Variants in GPC5 observed in about 807,000 individuals in gnomAD.
GPC5 encodes glypican 5, also known as glypican-5.
In GPC5, 47 loss-of-function variants were observed where a neutral mutation model predicts 53.9. That is an observed-to-expected ratio of 0.87 (90% CI 0.69 to 1.11). The LOEUF (loss-of-function observed/expected upper bound fraction) is 1.11. Among genes scored for constraint, GPC5 ranks in the 50% most tolerant of loss-of-function variants. The pLI is 0.00. For synonymous variants in GPC5, 286 were observed against 263.3 expected, an observed-to-expected ratio of 1.09 and a Z score of -0.84; for missense variants, 748 against 713.1, an observed-to-expected ratio of 1.05 and a Z score of -0.56.
intron 7 of GPC5, among the ~76,000 whole-genome samples, chr13:92,372,616 G>C (rs945046811): frequency 2.6e-5 from 4 of 152,152 alleles, no homozygotes; most frequent in Non-Finnish European, 5.9e-5. Context: ...TGAGGTGGGA[G>C]TAAATCCACT....
intron 7 of GPC5, among the ~76,000 whole-genome samples, chr13:92,769,439 G>A (rs562856004): frequency 3.3e-5 from 5 of 151,062 alleles, no homozygotes; most frequent in Admixed American, 6.6e-5. Context: ...TAAAATTAAA[G>A]CAGCGTTGGC....
At chr13:91,911,068 T>A (rs1164086962) in intron 6 of GPC5, among the ~76,000 whole-genome samples, 1 of 152,076 alleles carries the variant, frequency 6.6e-6, no homozygotes, top group Non-Finnish European at 1.5e-5. Flanking sequence ...GAAGGAAAAG[T>A]AGGCGCAAAG....
chr13:92,641,877 A>T (rs1352858991), intron 7 of GPC5, among the ~76,000 whole-genome samples: 2 of 152,168 alleles, frequency 1.3e-5, no homozygotes, highest in African/African-American at 2.4e-5. Flanking sequence ...TCATCTGGAC[A>T]TATTCCTTAA....
intron 6 of GPC5, among the ~76,000 whole-genome samples, chr13:92,106,303 C>T (rs1420881354): frequency 6.6e-6 from 1 of 151,938 alleles, no homozygotes; most frequent in Non-Finnish European, 1.5e-5. Context: ...AGCACTTAAA[C>T]AGGCAGTATA....
chr13:92,189,892 T>G (rs1477873149), intron 7 of GPC5, among the ~76,000 whole-genome samples: 1 of 151,906 alleles, frequency 6.6e-6, no homozygotes, highest in Non-Finnish European at 1.5e-5. Flanking sequence ...AACAGACACT[T>G]CCAAAACTGA....
At chr13:92,417,249 A>T (rs578229001) in intron 7 of GPC5, among the ~76,000 whole-genome samples, 3 of 152,384 alleles carry the variant, frequency 2.0e-5, no homozygotes, top group East Asian at 3.9e-4. Context: ...TAAACACATG[A>T]AATATGTTCA....
chr13:92,283,869 G>C (rs9516040), intron 7 of GPC5, among the ~76,000 whole-genome samples: 13,032 of 152,208 alleles, frequency 0.086, 616 homozygotes, highest in Middle Eastern at 0.12. Flanking sequence ...AAAGCTAGCA[G>C]AAGGCAAGAA....
intron 5 of GPC5, among the ~76,000 whole-genome samples, chr13:91,861,404 T>G (rs7986445): frequency 0.19 from 28,763 of 152,008 alleles, 3,024 homozygotes; most frequent in East Asian, 0.31. Flanking sequence ...ATTAAGTCAG[T>G]GCCCCCTTTG....
chr13:92,343,770 T>C (rs2043386692), intron 7 of GPC5, among the ~76,000 whole-genome samples: 1 of 152,124 alleles, frequency 6.6e-6, no homozygotes, highest in Admixed American at 6.6e-5. Flanking sequence ...CATAAATTAA[T>C]ATAAATAAAA....
intron 5 of GPC5, among the ~76,000 whole-genome samples, chr13:91,768,297 G>A (rs9515968): frequency 0.32 from 48,481 of 151,928 alleles, 9,278 homozygotes; most frequent in East Asian, 0.64. Context: ...CTTCTTTTCT[G>A]ATGTATTTTT....
chr13:92,086,262 A>G (rs190795614), intron 6 of GPC5, among the ~76,000 whole-genome samples: 4 of 152,302 alleles, frequency 2.6e-5, no homozygotes, highest in African/African-American at 9.6e-5. Context: ...TCTATTTTCC[A>G]GGAGGACACA....
chr13:91,690,202 CA>C (rs2035727194), intron 2 of GPC5, among the ~76,000 whole-genome samples: 4 of 152,154 alleles, frequency 2.6e-5, no homozygotes, highest in Admixed American at 2.6e-4. Context: ...ATTTCCCCTT[CA>C]AAGGGTAGTA....
At chr13:91,978,009 T>C (rs545790936) in intron 6 of GPC5, among the ~76,000 whole-genome samples, 26 of 150,908 alleles carry the variant, frequency 1.7e-4, no homozygotes, top group Admixed American at 6.6e-4. Context: ...TTAAATTAGC[T>C]GGGCATAGTG....
At chr13:92,731,480 A>G (rs777310239) in intron 7 of GPC5, among the ~76,000 whole-genome samples, 35 of 151,458 alleles carry the variant, frequency 2.3e-4, no homozygotes, top group Non-Finnish European at 4.4e-4. Context: ...GTTAAAGAAA[A>G]AAGGAAATAA....
chr13:91,533,866 G>A lies in GPC5; in HGVS notation c.325+84944G>A, dbSNP rs988778313. On this transcript the variant is annotated intron_variant, in intron 2 of 7. Transcript: ENST00000377067. ...ATACTCCTTCCAAGTCTGAATCAGA[G>A]ACTTGACATCTGGAATTGTGCAGTT... 4.6e-5 allele frequency among the ~76,000 whole-genome samples: 7 copies of A among 152,148 alleles called. 1 individual carries two copies. The highest frequency in any genetic ancestry group is 2.9e-5 in the Non-Finnish European group (2 of 68,020).
chr13:91,762,606 C>T (rs530754680), intron 5 of GPC5, among the ~76,000 whole-genome samples: 4 of 148,274 alleles, frequency 2.7e-5, no homozygotes, highest in African/African-American at 9.9e-5. Context: ...TTTTTCCTGG[C>T]AAATTCTACC....
intron 5 of GPC5, among the ~76,000 whole-genome samples, chr13:91,906,968 C>T (rs2039559259): frequency 2.0e-5 from 3 of 150,238 alleles, no homozygotes; most frequent in African/African-American, 7.3e-5. Flanking sequence ...TTGCCTTGTA[C>T]AGTTATATAT....
At chr13:92,002,078 T>C (rs930993269) in intron 6 of GPC5, among the ~76,000 whole-genome samples, 1 of 151,960 alleles carries the variant, frequency 6.6e-6, no homozygotes, top group Non-Finnish European at 1.5e-5. Context: ...ATTTTTCTTT[T>C]TGTTTCCTTT....
intron 7 of GPC5, among the ~76,000 whole-genome samples, chr13:92,655,847 A>G (rs1449120074): frequency 6.6e-6 from 1 of 152,210 alleles, no homozygotes; most frequent in Non-Finnish European, 1.5e-5. Flanking sequence ...GAATAGAAAT[A>G]GACTCAGGAT....
Sources: allele counts gnomAD v4.1 joint callset (sites outside exome capture counted in the v4.1 genomes callset), GRCh38; gene constraint gnomAD v4.1.1; transcripts MANE v1.5; gene names NCBI Gene and HGNC (gene_info 2026-07-23, HGNC 2026-07-21).